TVP23C: variants seen among roughly 807,000 people sequenced by gnomAD.
The protein encoded by TVP23C is trans-golgi network vesicle protein 23 homolog C.
TVP23C carries 19 observed loss-of-function variants against 28.7 expected under a neutral mutation model. The ratio of observed to expected loss-of-function variants is 0.66; its 90% confidence interval spans 0.46 to 0.97. The LOEUF (loss-of-function observed/expected upper bound fraction) is 0.97. Ranked by LOEUF, TVP23C falls within the 50% of genes least tolerant of loss-of-function variation. The pLI, the probability that TVP23C is intolerant of heterozygous loss-of-function variation, is 0.00. For synonymous variants in TVP23C, 68 were observed against 81.7 expected (o/e 0.83, Z 0.90); for missense variants, 186 against 241.3 (o/e 0.77, Z 1.52).
chr17:15,539,003 GT>G lies in TVP23C; in HGVS notation c.*1408del. On this transcript the variant is annotated 3_prime_UTR_variant, in exon 6 of 6. Coordinates refer to ENST00000518321, the MANE Select transcript of TVP23C (RefSeq NM_001135036.2). ...ATAAATTTTGAGTACAGAGGGCTGG[GT>G]TTAAGATCTAGCTTTGTACCACTAT... 2 of 985,296 alleles carry G rather than the reference GT, an allele frequency of 2.0e-6. No homozygotes were observed. Among genetic ancestry groups the G allele is most frequent in the Non-Finnish European group, 2.4e-6 (2 of 829,658 alleles). The allele number at this position is 985,296 out of a possible 1,614,324, so 61.0% of individuals were successfully genotyped here. A position where few individuals can be genotyped will look rare whatever the true frequency, so the allele number is the denominator to read the frequency against.
chr17:15,551,508 A>C (rs1335454686), intron 3 of TVP23C, among the ~76,000 whole-genome samples: 1 of 152,170 alleles, frequency 6.6e-6, no homozygotes, highest in African/African-American at 2.4e-5. Flanking sequence ...GCATTTAAGC[A>C]TACCTTTAAA....
In TVP23C at chr17:15,537,738, T is replaced by C. The variant is rs1158122075; in HGVS notation, c.*2674A>G. On this transcript the variant is annotated 3_prime_UTR_variant, in exon 6 of 6. Transcript: ENST00000518321. The stretch of plus-strand genomic sequence containing the variant: ...TCTACAGAAATAATATGTAAACATA[T>C]AGAGCTTTGAGACAGACTAAGAACA... 9.9e-6 allele frequency: 10 copies of C among 1,006,704 alleles called. No individual in the cohort carries two copies. Among genetic ancestry groups the C allele is most frequent in the Non-Finnish European group, 1.2e-5 (10 of 843,998 alleles). 62.4% of individuals were successfully genotyped at this position (1,006,704 alleles called of 1,614,324 possible).
At chr17:15,503,167 G>T in exon 6 of TVP23C, 1 of 1,587,644 alleles carries the variant, frequency 6.3e-7, no homozygotes. Context: ...TTTGGAAGGC[G>T]GAAGCGGGAG....
chr17:15,506,148 C>G (rs927265623), intron 5 of TVP23C, among the ~76,000 whole-genome samples: 1 of 152,280 alleles, frequency 6.6e-6, no homozygotes, highest in Non-Finnish European at 1.5e-5. Context: ...GCCAGCTGGG[C>G]TCCTGAGTCT....
intron 2 of TVP23C, among the ~76,000 whole-genome samples, chr17:15,554,057 C>T (rs1028832655): frequency 1.3e-5 from 2 of 152,178 alleles, no homozygotes; most frequent in African/African-American, 4.8e-5. Context: ...ATGACTTTAA[C>T]ACCTCATTGA....
intron 5 of TVP23C, among the ~76,000 whole-genome samples, chr17:15,505,724 G>A (rs1055577998): frequency 2.6e-5 from 4 of 152,224 alleles, no homozygotes; most frequent in African/African-American, 9.6e-5. Flanking sequence ...AACCGGGGCT[G>A]CCTAGGGCGC....
At chr17:15,531,822 A>C (rs2654263) in intron 5 of TVP23C, among the ~76,000 whole-genome samples, 1 of 152,188 alleles carries the variant, frequency 6.6e-6, no homozygotes, top group East Asian at 1.9e-4. Context: ...GTTTCTTCAC[A>C]TCTTTTGTTG....
intron 5 of TVP23C, among the ~76,000 whole-genome samples, chr17:15,529,086 CT>C (rs1455818211): frequency 1.3e-5 from 2 of 152,116 alleles, no homozygotes; most frequent in African/African-American, 4.8e-5. Flanking sequence ...TTATCAAGTG[CT>C]TACCGTGTAC....
At chr17:15,525,235 A>T (rs1446590720) in intron 5 of TVP23C, among the ~76,000 whole-genome samples, 1 of 152,252 alleles carries the variant, frequency 6.6e-6, no homozygotes, top group Non-Finnish European at 1.5e-5. Context: ...GGTGCCCGGC[A>T]CTGGGTCATG....
In TVP23C at chr17:15,539,026, C is replaced by T; in HGVS notation, c.*1386G>A. 1 of 985,334 alleles carries T rather than the reference C, an allele frequency of 1.0e-6. No homozygotes were observed. The highest frequency in any genetic ancestry group is 1.2e-6 in the Non-Finnish European group (1 of 829,596). The allele number at this position is 985,334 out of a possible 1,614,324, so 61.0% of individuals were successfully genotyped here. ...GGGTTTAAGATCTAGCTTTGTACCA[C>T]TATTAGCTGTATAATCTTAAGTAAA... On this transcript the variant is annotated 3_prime_UTR_variant, in exon 6 of 6. Transcript: ENST00000518321.
intron 1 of TVP23C, among the ~76,000 whole-genome samples, chr17:15,561,691 T>G (rs984232879): frequency 2.6e-5 from 4 of 152,228 alleles, no homozygotes; most frequent in African/African-American, 9.7e-5. Context: ...CATGGTTGTG[T>G]TTCTCCAGCC....
downstream of TVP23C, chr17:15,536,870 C>T (rs1248301509): frequency 4.6e-5 from 7 of 151,766 alleles, no homozygotes; most frequent in Non-Finnish European, 5.9e-5. Context: ...TACAGATATT[C>T]CTGCAATCTG....
chr17:15,513,764 T>C (rs1982102610), intron 5 of TVP23C, among the ~76,000 whole-genome samples: 1 of 152,158 alleles, frequency 6.6e-6, no homozygotes, highest in Non-Finnish European at 1.5e-5. Context: ...AAACATCCAG[T>C]AAAATGGATA....
chr17:15,506,927 C>T (rs1981777034), intron 5 of TVP23C: 5 of 1,135,386 alleles, frequency 4.4e-6, no homozygotes, highest in African/African-American at 3.1e-5. Flanking sequence ...GGCCGCATCT[C>T]CTTTGAGCTG....
intron 1 of TVP23C, among the ~76,000 whole-genome samples, chr17:15,557,298 T>G (rs1309723078): frequency 6.8e-6 from 1 of 146,492 alleles, no homozygotes; most frequent in Non-Finnish European, 1.5e-5. Flanking sequence ...AGGTTTTTTT[T>G]TTTTTTTTTT....
At chr17:15,559,437 T>A (rs1984281204) in intron 1 of TVP23C, among the ~76,000 whole-genome samples, 1 of 148,870 alleles carries the variant, frequency 6.7e-6, no homozygotes, top group Non-Finnish European at 1.5e-5. Context: ...TTTTGGACAT[T>A]TTAAGATGCT....
At chr17:15,513,321 A>G (rs1982080938) in intron 5 of TVP23C, among the ~76,000 whole-genome samples, 3 of 152,248 alleles carry the variant, frequency 2.0e-5, no homozygotes, top group Admixed American at 2.0e-4. Context: ...GAGACTAAAA[A>G]TATCCTGAAA....
At chr17:15,542,342 G>A (rs1217612879) in intron 5 of TVP23C, among the ~76,000 whole-genome samples, 3 of 152,246 alleles carry the variant, frequency 2.0e-5, no homozygotes, top group African/African-American at 7.2e-5. Flanking sequence ...ACGAAGCGCA[G>A]AAGGATCAAT....
chr17:15,507,319 A>G, intron 5 of TVP23C: 1 of 760,836 alleles, frequency 1.3e-6, no homozygotes, highest in South Asian at 1.3e-5. Context: ...AAGACCAGCA[A>G]GAAGATCACC....
Sources: allele counts gnomAD v4.1 joint callset (sites outside exome capture counted in the v4.1 genomes callset), GRCh38; gene constraint gnomAD v4.1.1; transcripts MANE v1.5; gene names NCBI Gene and HGNC (gene_info 2026-07-23, HGNC 2026-07-21).